Variants in CFI observed in about 807,000 individuals in gnomAD.
The protein encoded by CFI is complement factor I, also known as C3B/C4B inactivator.
A neutral mutation model predicts 78.8 loss-of-function variants in CFI; 66 were observed. The observed-to-expected ratio is 0.84, with a 90% confidence interval of 0.69 to 1.03. The LOEUF (loss-of-function observed/expected upper bound fraction) is 1.03, where lower values mean the gene tolerates loss of function less well. CFI is among the 50% of genes least tolerant of loss of function. CFI has a pLI of 0.00. For synonymous variants in CFI, 250 were observed against 232.6 expected (o/e 1.07, Z -0.68); for missense variants, 706 against 704.5 (o/e 1.00, Z -0.02).
downstream of CFI, among the ~76,000 whole-genome samples, chr4:109,738,182 A>G (rs1233468833): frequency 6.7e-6 from 1 of 148,592 alleles, no homozygotes; most frequent in Non-Finnish European, 1.5e-5. Flanking sequence ...TGCTGCAATC[A>G]CAGCTCACTG....
intron 1 of CFI, among the ~76,000 whole-genome samples, chr4:109,788,170 A>G (rs936136619): frequency 6.6e-6 from 1 of 152,268 alleles, no homozygotes; most frequent in African/African-American, 2.4e-5. Flanking sequence ...AAATAATGCT[A>G]TGATGAATCT....
intron 1 of CFI, among the ~76,000 whole-genome samples, chr4:109,801,289 A>G (rs896323746): frequency 6.6e-6 from 1 of 152,152 alleles, no homozygotes; most frequent in Admixed American, 6.5e-5. Context: ...TTTCCTGGCT[A>G]AAGAAGCTGG....
At chr4:109,796,850 A>G (rs567064827) in intron 1 of CFI, among the ~76,000 whole-genome samples, 12 of 152,374 alleles carry the variant, frequency 7.9e-5, no homozygotes, top group African/African-American at 2.9e-4. Flanking sequence ...TAAAGCACTT[A>G]GAAATAAATT....
chr4:109,749,700 C>T (rs1724913839), intron 8 of CFI, 98 bp from the exon 9 acceptor site: 1 of 770,534 alleles, frequency 1.3e-6, no homozygotes, highest in East Asian at 2.5e-5. Context: ...AGGAGAGTCA[C>T]AGCCAGTACA....
Position 109,746,189 on chromosome 4 carries a change from T to C in CFI, c.1429+33A>G, listed in dbSNP as rs9998151. 85,000 of 1,611,546 alleles carry C rather than the reference T, an allele frequency of 0.053. 4,148 individuals carry two copies. The highest frequency in any genetic ancestry group is 0.25 in the African/African-American group (18,928 of 74,878). ...TCTATTCTCTTTCATTTCCAACTCA[T>C]GGCTTCTGATTAACAAACTGTAAAA... On this transcript the variant is annotated intron_variant, in intron 11 of 12. Transcript: ENST00000394634.
intron 10 of CFI, among the ~76,000 whole-genome samples, chr4:109,748,768 G>C (rs1724780464): frequency 6.6e-6 from 1 of 152,108 alleles, no homozygotes; most frequent in African/African-American, 2.4e-5. Flanking sequence ...GGGCCTCATG[G>C]GCCATGTTAA....
chr4:109,791,995 G>C (rs953678006), intron 1 of CFI, among the ~76,000 whole-genome samples: 1 of 151,824 alleles, frequency 6.6e-6, no homozygotes, highest in African/African-American at 2.4e-5. Flanking sequence ...TCTGTTATTG[G>C]TTTCCAGCCT....
At chr4:109,752,191 C>T (rs1200799522) in intron 8 of CFI, among the ~76,000 whole-genome samples, 5 of 151,998 alleles carry the variant, frequency 3.3e-5, no homozygotes, top group East Asian at 3.8e-4. Flanking sequence ...TGACAAAGTT[C>T]GTTTTAAATA....
In CFI at chr4:109,749,236, G is replaced by A; in HGVS notation, c.1130C>T (p.Thr377Ile). 1 of 1,614,008 alleles carries A rather than the reference G, an allele frequency of 6.2e-7. No homozygotes were observed. Among genetic ancestry groups the A allele is most frequent in the Non-Finnish European group, 8.5e-7 (1 of 1,179,878 alleles). The change falls in exon 10 of 13, where the codon ACT becomes ATT. Residue 377 changes from threonine to isoleucine, a missense_variant. Physicochemically the swap from Thr to Ile is moderately conservative, Grantham distance 89. Transcript: ENST00000394634. ...GIYIGGCWILTAAHCLRASKT... is the reference protein window; with the variant it reads ...GIYIGGCWILIAAHCLRASKT... ...CTTTTACCTGAGACAATGTGCAGCA[G>A]TCAGAATCCAACAGCCACCAATATA... is the stretch of plus-strand genomic sequence containing the variant.
At position 109,801,995 on chromosome 4, in the gene CFI, T is replaced by A. The variant is rs753907429; in HGVS notation, c.-24A>T. ...ATGTTGGAGGTGTTCGGGGTCTTTG[T>A]CTCTGCTGAGAACTCTTTTCCACTC... On this transcript the variant is annotated 5_prime_UTR_variant, in exon 1 of 13. Coordinates refer to ENST00000394634, the MANE Select transcript of CFI (RefSeq NM_000204.5). The A allele has an allele frequency of 1.3e-6, 2 of 1,585,632 alleles. No individual in the cohort carries two copies. Among genetic ancestry groups the A allele is most frequent in the South Asian group, 1.1e-5 (1 of 90,318 alleles).
intron 7 of CFI, among the ~76,000 whole-genome samples, chr4:109,754,326 C>T (rs924815355): frequency 1.3e-5 from 2 of 150,086 alleles, no homozygotes; most frequent in African/African-American, 2.5e-5. Flanking sequence ...TCAGCACTAG[C>T]CAAGGGAGTC....
At chr4:109,755,967 G>A (rs1241823224) in intron 7 of CFI, among the ~76,000 whole-genome samples, 1 of 152,066 alleles carries the variant, frequency 6.6e-6, no homozygotes, top group Non-Finnish European at 1.5e-5. Context: ...TGAACACACA[G>A]TAACATGGAC....
chr4:109,785,226 C>T (rs914104246), intron 1 of CFI, among the ~76,000 whole-genome samples: 4 of 152,100 alleles, frequency 2.6e-5, no homozygotes, highest in Non-Finnish European at 5.9e-5. Context: ...TCACACAAAG[C>T]CTGTTTGGTG....
chr4:109,732,385 C>A, the CFI span, among the ~76,000 whole-genome samples: 7 of 152,168 alleles, frequency 4.6e-5, no homozygotes, highest in African/African-American at 1.4e-4. Context: ...TTTTCACATT[C>A]TTTTCACATT....
chr4:109,749,524 A>G lies in CFI; in HGVS notation c.1019T>C (p.Ile340Thr), dbSNP rs769419740. 171 of 1,613,494 alleles carry G rather than the reference A, an allele frequency of 1.1e-4. No homozygotes were observed. The highest frequency in any genetic ancestry group is 1.3e-4 in the Non-Finnish European group (149 of 1,179,610). Reference sequence around the variant, plus strand: ...CAGTTGTGCTCGCTTTCCTCCCACAATTCGTTTCCTTCGAATGTGCATTCT... The same window carrying G: ...CAGTTGTGCTCGCTTTCCTCCCACAGTTCGTTTCCTTCGAATGTGCATTCT... ...KNRMHIRRKR[I>T]VGGKRAQLGD... The change falls in exon 9 of 13, where the codon ATT becomes ACT. Residue 340 changes from isoleucine (I) to threonine (T), a missense_variant. Physicochemically the swap from Ile to Thr is moderately conservative, Grantham distance 89. Transcript: ENST00000394634.
chr4:109,743,549 T>A (rs1579157520), intron 11 of CFI, among the ~76,000 whole-genome samples: 1 of 152,358 alleles, frequency 6.6e-6, no homozygotes, highest in Non-Finnish European at 1.5e-5. Flanking sequence ...ATATTTTCCA[T>A]CAGTGAAATC....
At chr4:109,731,212 G>C in the CFI span, among the ~76,000 whole-genome samples, 1 of 152,156 alleles carries the variant, frequency 6.6e-6, no homozygotes, top group Non-Finnish European at 1.5e-5. Context: ...TGGGCGTGGT[G>C]GCGGGCACCT....
chr4:109,781,156 C>G (rs1273672875), intron 1 of CFI, among the ~76,000 whole-genome samples: 2 of 151,862 alleles, frequency 1.3e-5, no homozygotes, highest in Non-Finnish European at 2.9e-5. Context: ...AAAAAAATTT[C>G]CAACTTGATT....
chr4:109,772,070 T>C (rs1019652032), intron 1 of CFI, among the ~76,000 whole-genome samples: 3 of 152,214 alleles, frequency 2.0e-5, no homozygotes, highest in African/African-American at 7.2e-5. Flanking sequence ...ACATTACCAT[T>C]TTAAATTTCA....
Sources: allele counts gnomAD v4.1 joint callset (sites outside exome capture counted in the v4.1 genomes callset), GRCh38; gene constraint gnomAD v4.1.1; transcripts MANE v1.5; gene names NCBI Gene and HGNC (gene_info 2026-07-23, HGNC 2026-07-21).